The following DIAPH2 variants were observed in gnomAD, a reference collection of about 807,000 sequenced individuals.
The protein encoded by DIAPH2 is diaphanous related formin 2.
DIAPH2 carries 35 observed loss-of-function variants against 92.7 expected under a neutral mutation model. That is an observed-to-expected ratio of 0.38 (90% CI 0.29 to 0.50). The LOEUF is 0.50. Ranked by LOEUF, DIAPH2 falls within the 20% of genes least tolerant of loss-of-function variation. The probability of loss-of-function intolerance (pLI) is 0.94; values close to 1 mark genes in which losing one functional copy is unlikely to be tolerated. For synonymous variants in DIAPH2, 301 were observed against 280.4 expected, an observed-to-expected ratio of 1.07 and a Z score of -0.73; for missense variants, 701 against 819.5, an observed-to-expected ratio of 0.86 and a Z score of 1.77.
At chrX:97,581,005 C>T (rs1312249407) in intron 26 of DIAPH2, among the ~76,000 whole-genome samples, 6 of 96,053 alleles carry the variant, frequency 6.2e-5, no homozygotes, top group South Asian at 5.7e-4. Context: ...TCTGTGGGAT[C>T]GGTGGTGATA....
At chrX:97,072,887 C>A in intron 17 of DIAPH2, 54 bp from the exon 18 acceptor site, 2 of 768,693 alleles carry the variant, frequency 2.6e-6, no homozygotes, top group Non-Finnish European at 3.8e-6. Context: ...AATGTTATTC[C>A]GTGTACTTGG....
Position 97,024,049 on chromosome X carries a change from G to T in DIAPH2, c.2051-48892G>T, listed in dbSNP as rs753614887. 5.4e-5 allele frequency among the ~76,000 whole-genome samples: 6 copies of T among 111,648 alleles called. No individual in the cohort carries two copies. In the South Asian group the frequency reaches 1.9e-3, roughly 35 times the overall value. ...AAAATATATAGGTAAGTAGTAGTCT[G>T]GGAAGAAATTATAGCCATCTGCAAT... On this transcript the variant is annotated intron_variant, in intron 17 of 26. Coordinates refer to ENST00000324765, the MANE Select transcript of DIAPH2 (RefSeq NM_006729.5).
chrX:96,877,673 C>A (rs2065189121), intron 4 of DIAPH2, among the ~76,000 whole-genome samples: 1 of 112,157 alleles, frequency 8.9e-6, no homozygotes, highest in Non-Finnish European at 1.9e-5. Context: ...AAGTGATTAT[C>A]TCCACTGCAA....
intron 3 of DIAPH2, 54 bp downstream of exon 3, chrX:96,738,816 G>T: frequency 9.8e-7 from 1 of 1,019,690 alleles, no homozygotes; most frequent in Non-Finnish European, 1.3e-6. Flanking sequence ...GCCCAGAATA[G>T]CACTGAGTTT....
intron 26 of DIAPH2, chrX:97,564,561 T>G (rs762618784): frequency 8.9e-6 from 1 of 111,911 alleles, no homozygotes; most frequent in East Asian, 2.8e-4. Context: ...AGGCCTCTTT[T>G]GTAAGGGCAT....
chrX:96,712,191 TTCA>T (rs2063922491), intron 1 of DIAPH2, among the ~76,000 whole-genome samples: 1 of 111,272 alleles, frequency 9.0e-6, no homozygotes, highest in African/African-American at 3.3e-5. Context: ...TTCATTTGAC[TTCA>T]TCACGCCTGC....
intron 23 of DIAPH2, among the ~76,000 whole-genome samples, chrX:97,302,983 CCAAAA>C (rs1569356616): frequency 8.9e-6 from 1 of 112,327 alleles, no homozygotes; most frequent in Non-Finnish European, 1.9e-5. Flanking sequence ...GACTCTGTCT[CCAAAA>C]CAAAAGATAT....
chrX:96,857,980 A>C, intron 4 of DIAPH2, among the ~76,000 whole-genome samples: 2 of 112,445 alleles, frequency 1.8e-5, no homozygotes, highest in South Asian at 7.3e-4. Context: ...ATGTTATAAA[A>C]ACCAGATCTA....
intron 5 of DIAPH2, chrX:96,884,786 T>C: frequency 8.3e-7 from 1 of 1,211,086 alleles, no homozygotes; most frequent in Admixed American, 2.2e-5. Context: ...GTGCATATTC[T>C]GGAAACGGTC....
In DIAPH2 at chrX:96,720,509, G is replaced by A. The variant is rs1166915973; in HGVS notation, c.133-15249G>A. On this transcript the variant is annotated intron_variant, in intron 1 of 26. Coordinates refer to ENST00000324765, the MANE Select transcript of DIAPH2 (RefSeq NM_006729.5). The stretch of plus-strand genomic sequence containing the variant: ...CACCCTTGATTATTGGAAAAATTCA[G>A]CAAAACCTTATTAGAATACTTTAAA... Among the ~76,000 whole-genome samples, 7 of 111,687 alleles carry A rather than the reference G, an allele frequency of 6.3e-5. No individual in the cohort carries two copies. In the Admixed American group the frequency reaches 6.7e-4, roughly 11 times the overall value.
intron 19 of DIAPH2, among the ~76,000 whole-genome samples, chrX:97,099,390 A>G (rs2066891591): frequency 9.0e-6 from 1 of 111,337 alleles, no homozygotes; most frequent in Non-Finnish European, 1.9e-5. Flanking sequence ...ATTATTCTAT[A>G]TGTTTAAGTC....
chrX:97,070,594 G>T (rs2147910294), intron 17 of DIAPH2, among the ~76,000 whole-genome samples: 1 of 111,705 alleles, frequency 9.0e-6, no homozygotes, highest in African/African-American at 3.2e-5. Context: ...GGCAATAATA[G>T]CCACTGGTCT....
At chrX:96,873,647 T>TACATAC (rs2065158812) in intron 4 of DIAPH2, among the ~76,000 whole-genome samples, 1 of 95,890 alleles carries the variant, frequency 1.0e-5, no homozygotes, top group Non-Finnish European at 2.1e-5. Context: ...CGTATATATA[T>TACATAC]ACACACACAC....
intron 23 of DIAPH2, among the ~76,000 whole-genome samples, chrX:97,321,032 G>A (rs894599525): frequency 9.0e-6 from 1 of 111,622 alleles, no homozygotes; most frequent in Admixed American, 9.6e-5. Context: ...TAATTTATAA[G>A]ATTACTGATA....
chrX:97,211,012 T>A (rs1269939361), intron 22 of DIAPH2, among the ~76,000 whole-genome samples: 1 of 111,885 alleles, frequency 8.9e-6, no homozygotes, highest in East Asian at 2.8e-4. Flanking sequence ...TTTGACAAAC[T>A]GAAATATTGT....
intron 4 of DIAPH2, among the ~76,000 whole-genome samples, chrX:96,795,695 T>G (rs1004113030): frequency 8.9e-6 from 1 of 111,951 alleles, no homozygotes; most frequent in Non-Finnish European, 1.9e-5. Context: ...AGATTGTACT[T>G]CTTTATCTTT....
At chrX:97,425,395 T>C (rs946961434) in intron 25 of DIAPH2, among the ~76,000 whole-genome samples, 13 of 111,926 alleles carry the variant, frequency 1.2e-4, no homozygotes, top group Non-Finnish European at 2.4e-4. Context: ...CAAAAATTGC[T>C]CAGAGATTTT....
At chrX:96,777,992 A>G (rs1016503783) in intron 4 of DIAPH2, among the ~76,000 whole-genome samples, 3 of 105,258 alleles carry the variant, frequency 2.9e-5, no homozygotes, top group African/African-American at 1.0e-4. Flanking sequence ...TTAACTTGTC[A>G]TTTAGCATTA....
chrX:96,737,958 A>G (rs2064097355), intron 2 of DIAPH2, among the ~76,000 whole-genome samples: 1 of 111,587 alleles, frequency 9.0e-6, no homozygotes, highest in Non-Finnish European at 1.9e-5. Flanking sequence ...CAGTAACCCT[A>G]TGGTGTAAGT....
Sources: gnomAD v4.1 joint callset for allele counts (sites outside exome capture counted in the v4.1 genomes callset) on GRCh38, gnomAD v4.1.1 for gene constraint, MANE v1.5 for transcripts, NCBI Gene and HGNC (gene_info 2026-07-23, HGNC 2026-07-21) for gene names.